Variants in SPAG16 observed in about 807,000 individuals in gnomAD.
The protein encoded by SPAG16 is sperm associated antigen 16.
SPAG16 carries 86 observed loss-of-function variants against 80.4 expected under a neutral mutation model. The observed-to-expected ratio is 1.07, with a 90% confidence interval of 0.90 to 1.28. SPAG16 has a LOEUF of 1.28. Among genes scored for constraint, SPAG16 ranks in the 50% most tolerant of loss-of-function variants. SPAG16 has a pLI of 0.00. For missense variants in SPAG16, 870 were observed against 765.3 expected, an observed-to-expected ratio of 1.14 and a Z score of -1.61; for synonymous variants, 294 against 265.9, an observed-to-expected ratio of 1.11 and a Z score of -1.03.
At chr2:213,949,448 T>G (rs1255131732) in intron 12 of SPAG16, among the ~76,000 whole-genome samples, 1 of 152,168 alleles carries the variant, frequency 6.6e-6, no homozygotes, top group Non-Finnish European at 1.5e-5. Context: ...ATTACAGGCA[T>G]GAGCCACCGC....
chr2:214,261,862 A>T (rs1335097394), intron 15 of SPAG16, among the ~76,000 whole-genome samples: 1 of 152,122 alleles, frequency 6.6e-6, no homozygotes, highest in Non-Finnish European at 1.5e-5. Flanking sequence ...TGGAATTTTG[A>T]TGCAAATGTC....
At chr2:213,412,199 T>G (rs2069012569) in intron 9 of SPAG16, among the ~76,000 whole-genome samples, 1 of 152,172 alleles carries the variant, frequency 6.6e-6, no homozygotes, top group Non-Finnish European at 1.5e-5. Context: ...TGCTATCTGC[T>G]CTGCCCTGAC....
At chr2:214,013,217 C>T (rs1016511833) in intron 12 of SPAG16, among the ~76,000 whole-genome samples, 5 of 145,842 alleles carry the variant, frequency 3.4e-5, no homozygotes, top group Admixed American at 6.9e-5. Flanking sequence ...TTAATCGGTG[C>T]ATTAATAATT....
rs1165336076 is a variant in SPAG16, at chr2:214,410,469, A to G, written c.*154A>G. 8.9e-6 allele frequency: 5 copies of G among 561,954 alleles called. No individual in the cohort carries two copies. The highest frequency in any genetic ancestry group is 1.9e-5 in the African/African-American group (1 of 52,624). 34.8% of individuals were successfully genotyped at this position (561,954 alleles called of 1,614,324 possible). A position where few individuals can be genotyped will look rare whatever the true frequency, so the allele number is the denominator to read the frequency against. ...TTTGGACATATATTTTAGTGCTCAT[A>G]CTGTTACTAATAAAAAAATAACTTT... On this transcript the variant is annotated 3_prime_UTR_variant, in exon 16 of 16. Transcript: ENST00000331683.
Position 213,567,736 on chromosome 2 carries a change from G to T in SPAG16, c.1070+77646G>T, listed in dbSNP as rs1343333886. On this transcript the variant is annotated intron_variant, in intron 10 of 15. Coordinates refer to ENST00000331683, the MANE Select transcript of SPAG16 (RefSeq NM_024532.5). ...ATAGCAGCATGATTTATAGTCCTTT[G>T]GGTATATACCCAGTAATGGGATGGC... 7.7e-5 allele frequency among the ~76,000 whole-genome samples: 3 copies of T among 38,868 alleles called. 1 individual carries two copies. The highest frequency in any genetic ancestry group is 5.1e-4 in the African/African-American group (3 of 5,886). 25.5% of individuals were successfully genotyped at this position (38,868 alleles called of 152,430 possible).
At chr2:214,204,625 G>C (rs549119271) in intron 15 of SPAG16, among the ~76,000 whole-genome samples, 1 of 152,262 alleles carries the variant, frequency 6.6e-6, no homozygotes, top group South Asian at 2.1e-4. Context: ...CCTAGGAAAG[G>C]GAGAAAGCAC....
intron 15 of SPAG16, among the ~76,000 whole-genome samples, chr2:214,254,232 C>A (rs1690512197): frequency 6.6e-6 from 1 of 152,136 alleles, no homozygotes; most frequent in African/African-American, 2.4e-5. Flanking sequence ...CATCTGCAAA[C>A]AGAGACAATT....
chr2:213,853,905 C>T (rs2075031070), intron 10 of SPAG16, among the ~76,000 whole-genome samples: 1 of 152,130 alleles, frequency 6.6e-6, no homozygotes, highest in Admixed American at 6.6e-5. Context: ...GGGTATCCTG[C>T]TATCTTCAGC....
At chr2:214,249,805 A>G (rs1413411464) in intron 15 of SPAG16, among the ~76,000 whole-genome samples, 1 of 152,190 alleles carries the variant, frequency 6.6e-6, no homozygotes, top group Admixed American at 6.5e-5. Context: ...TCCTAAATAC[A>G]TAACATTTTG....
chr2:213,472,364 A>G (rs2073126921), intron 9 of SPAG16, among the ~76,000 whole-genome samples: 1 of 152,030 alleles, frequency 6.6e-6, no homozygotes, highest in Non-Finnish European at 1.5e-5. Context: ...TGGAGTCACC[A>G]CTTGGTTAAG....
At chr2:213,471,009 A>G (rs955577081) in intron 9 of SPAG16, among the ~76,000 whole-genome samples, 1 of 152,184 alleles carries the variant, frequency 6.6e-6, no homozygotes, top group East Asian at 1.9e-4. Flanking sequence ...CCATTTCTCT[A>G]TCCATGCAAA....
At position 213,342,308 on chromosome 2, in the gene SPAG16, A is replaced by G. The variant is rs531598427; in HGVS notation, c.644+2038A>G. Among the ~76,000 whole-genome samples the G allele has an allele frequency of 2.9e-4, 42 of 145,352 alleles. No individual in the cohort carries two copies. The South Asian group carries it at 8.5e-3, about 29-fold the overall frequency. ...ATGTATATATATATGACATATGTGT[A>G]TATATATGTTACATATATGTGTATA... On this transcript the variant is annotated intron_variant, in intron 6 of 15. Coordinates refer to ENST00000331683, the MANE Select transcript of SPAG16 (RefSeq NM_024532.5).
chr2:214,117,920 T>A (rs1368319582), intron 14 of SPAG16, among the ~76,000 whole-genome samples: 1 of 152,006 alleles, frequency 6.6e-6, no homozygotes, highest in Non-Finnish European at 1.5e-5. Flanking sequence ...AAGCTGAAAG[T>A]TTTTCCTCTA....
chr2:214,191,279 T>C (rs1408347686), intron 15 of SPAG16, among the ~76,000 whole-genome samples: 1 of 152,128 alleles, frequency 6.6e-6, no homozygotes, highest in Non-Finnish European at 1.5e-5. Context: ...TTTGGTTCCC[T>C]TGCTAGACTC....
At chr2:214,288,758 T>TATTTATTTATTA (rs1693572131) in intron 15 of SPAG16, among the ~76,000 whole-genome samples, 1 of 148,678 alleles carries the variant, frequency 6.7e-6, no homozygotes, top group Non-Finnish European at 1.5e-5. Context: ...CCCACTTATT[T>TATTTATTTATTA]ATTTATTTAT....
intron 10 of SPAG16, among the ~76,000 whole-genome samples, chr2:213,545,108 T>C (rs2076571566): frequency 6.6e-6 from 1 of 152,136 alleles, no homozygotes; most frequent in Non-Finnish European, 1.5e-5. Context: ...AGTAATGAAG[T>C]AGAGTTTCTG....
chr2:213,628,603 T>C (rs933673689), intron 10 of SPAG16, among the ~76,000 whole-genome samples: 11 of 152,182 alleles, frequency 7.2e-5, no homozygotes, highest in Non-Finnish European at 1.5e-4. Flanking sequence ...TCATCACAAC[T>C]TGGATTCGCA....
At chr2:214,396,940 C>A (rs1450145057) in intron 15 of SPAG16, among the ~76,000 whole-genome samples, 1 of 151,458 alleles carries the variant, frequency 6.6e-6, no homozygotes, top group Non-Finnish European at 1.5e-5. Flanking sequence ...CCTAAAAATA[C>A]TGGGATTTAC....
At chr2:214,013,223 T>G (rs996200867) in intron 12 of SPAG16, among the ~76,000 whole-genome samples, 5 of 150,210 alleles carry the variant, frequency 3.3e-5, no homozygotes, top group South Asian at 2.1e-4. Context: ...GGTGCATTAA[T>G]AATTGTACAT....
Sources: gnomAD v4.1 joint callset for allele counts (sites outside exome capture counted in the v4.1 genomes callset) on GRCh38, gnomAD v4.1.1 for gene constraint, MANE v1.5 for transcripts, NCBI Gene and HGNC (gene_info 2026-07-23, HGNC 2026-07-21) for gene names.